The following POU6F2 variants were observed in gnomAD, a reference collection of about 807,000 sequenced individuals.
POU6F2 encodes the protein POU domain, class 6, transcription factor 2.
POU6F2 carries 31 observed loss-of-function variants against 71.3 expected under a neutral mutation model. The observed-to-expected ratio is 0.43, with a 90% confidence interval of 0.33 to 0.59. The LOEUF is 0.59. POU6F2 is among the 20% of genes least tolerant of loss of function. POU6F2 has a pLI of 0.04. For missense variants in POU6F2, 783 were observed against 856.8 expected (o/e 0.91, Z 1.07); for synonymous variants, 347 against 355.7 (o/e 0.98, Z 0.27).
chr7:39,010,455 T>C (rs1789240398), intron 1 of POU6F2, among the ~76,000 whole-genome samples: 1 of 151,858 alleles, frequency 6.6e-6, no homozygotes. Flanking sequence ...TGAATTTTGT[T>C]GATCCTTTCA....
chr7:39,099,107 C>T (rs1416673063), intron 2 of POU6F2, among the ~76,000 whole-genome samples: 1 of 152,224 alleles, frequency 6.6e-6, no homozygotes, highest in Non-Finnish European at 1.5e-5. Flanking sequence ...ATAGTTCACT[C>T]TCTTCATCTT....
intron 4 of POU6F2, among the ~76,000 whole-genome samples, chr7:39,320,716 A>G (rs1785370749): frequency 6.6e-6 from 1 of 152,202 alleles, no homozygotes; most frequent in Admixed American, 6.5e-5. Context: ...ATACATACCT[A>G]TAAAGTTTAA....
chr7:39,320,785 T>C (rs1583522341), intron 4 of POU6F2, among the ~76,000 whole-genome samples: 1 of 152,230 alleles, frequency 6.6e-6, no homozygotes, highest in East Asian at 1.9e-4. Flanking sequence ...CCGAGTGCAG[T>C]GGCCCATGCC....
chr7:39,239,234 A>C (rs1783662559), intron 4 of POU6F2, among the ~76,000 whole-genome samples: 1 of 152,092 alleles, frequency 6.6e-6, no homozygotes, highest in Non-Finnish European at 1.5e-5. Flanking sequence ...TAGTGATAAG[A>C]CTTGGGACAG....
rs143990984 is a variant in POU6F2 at position 39,366,525 on chromosome 7, T to C, written c.972+26510T>C. ...AGTCCCTGGGTATGAGCTTCTAAAC[T>C]GTGGTCTTCAAGGAGATGGGAGAAT... On this transcript the variant is annotated intron_variant, in intron 5 of 9. Coordinates refer to ENST00000518318, the MANE Select transcript of POU6F2 (RefSeq NM_001370959.1). Among the ~76,000 whole-genome samples the C allele has an allele frequency of 3.2e-3, 487 of 152,182 alleles. 3 individuals carry two copies. The highest frequency in any genetic ancestry group is 0.011 in the African/African-American group (469 of 41,500).
At chr7:39,231,440 C>T (rs1002986384) in intron 4 of POU6F2, among the ~76,000 whole-genome samples, 1 of 152,112 alleles carries the variant, frequency 6.6e-6, no homozygotes, top group Non-Finnish European at 1.5e-5. Flanking sequence ...CATATTTAAT[C>T]ATCACAACTC....
At chr7:39,303,155 T>G (rs1444097423) in intron 4 of POU6F2, among the ~76,000 whole-genome samples, 2 of 152,204 alleles carry the variant, frequency 1.3e-5, no homozygotes, top group Non-Finnish European at 2.9e-5. Flanking sequence ...TTTTGTTTTT[T>G]GTTTTTTTGG....
At position 39,451,577 on chromosome 7, in the gene POU6F2, A is replaced by C. The variant is rs907325631; in HGVS notation, c.1365A>C (p.Gln455His). The C allele has an allele frequency of 6.2e-7, 1 of 1,613,624 alleles. No homozygotes were observed. The highest frequency in any genetic ancestry group is 8.5e-7 in the Non-Finnish European group (1 of 1,179,836). Residue 455 changes from glutamine (Q) to histidine (H), a missense_variant, in exon 8 of 10, where the codon CAA becomes CAC. Physicochemically the swap from Gln to His is conservative, Grantham distance 24. Coordinates refer to ENST00000518318, the MANE Select transcript of POU6F2 (RefSeq NM_001370959.1). The part of the protein sequence containing the change: ...SQTSVGQAAS[Q>H]GNLLHLAHSQ... Reference sequence around the variant, plus strand: ...CGTCAGTGGGTCAAGCAGCCTCCCAAGGCAACCTTCTGCACCTGGCTCACA... The same window carrying C: ...CGTCAGTGGGTCAAGCAGCCTCCCACGGCAACCTTCTGCACCTGGCTCACA...
chr7:39,190,826 C>T lies in POU6F2; in HGVS notation c.278-13409C>T, dbSNP rs191858244. Reference sequence around the variant, plus strand: ...TTAATTTTTGTATTTTTAGCAGAGACGAGGTTTCACCATGTTGGTCAGGCT... The same window carrying T: ...TTAATTTTTGTATTTTTAGCAGAGATGAGGTTTCACCATGTTGGTCAGGCT... On this transcript the variant is annotated intron_variant, in intron 2 of 9. Coordinates refer to ENST00000518318, the MANE Select transcript of POU6F2 (RefSeq NM_001370959.1). Among the ~76,000 whole-genome samples, 139 of 151,594 alleles carry T rather than the reference C, an allele frequency of 9.2e-4. 3 individuals are homozygous for T. The East Asian group carries it at 0.021, about 23-fold the overall frequency.
intron 5 of POU6F2, among the ~76,000 whole-genome samples, chr7:39,399,054 G>C (rs1181867304): frequency 6.6e-6 from 1 of 152,096 alleles, no homozygotes; most frequent in East Asian, 1.9e-4. Flanking sequence ...AGGTAGAATG[G>C]TGCATTAATT....
At position 39,276,183 on chromosome 7, in the gene POU6F2, A is replaced by G. The variant is rs564935973; in HGVS notation, c.599-63459A>G. Among the ~76,000 whole-genome samples, 40 of 151,402 alleles carry G rather than the reference A, an allele frequency of 2.6e-4. 1 individual carries two copies. In the South Asian group the frequency reaches 8.2e-3, roughly 31 times the overall value. On this transcript the variant is annotated intron_variant, in intron 4 of 9. Transcript: ENST00000518318. ...AAAGGGCTAATATCCAGAATCTGCA[A>G]TGAACTCAAACAAATTTACAAGAAA...
chr7:39,354,255 G>T (rs565485568), intron 5 of POU6F2, among the ~76,000 whole-genome samples: 1 of 152,340 alleles, frequency 6.6e-6, no homozygotes, highest in African/African-American at 2.4e-5. Context: ...TGCTTGTTTG[G>T]CTTTGTGCTT....
rs1788930761 is a variant in POU6F2, at chr7:39,460,788, C to T, written c.1658+73C>T. 1 of 1,431,674 alleles carries T rather than the reference C, an allele frequency of 7.0e-7. No homozygotes were observed. The highest frequency in any genetic ancestry group is 2.5e-5 in the East Asian group (1 of 39,930). 88.7% of individuals were successfully genotyped at this position (1,431,674 alleles called of 1,614,324 possible). On this transcript the variant is annotated intron_variant, in intron 9 of 9. Transcript: ENST00000518318. This position sits in a 1 kb window ranked among gnomAD's most constrained non-coding sequence, Gnocchi z 4.4. ...CATTTGTCCTCGCGGTTCAGCTTTT[C>T]TTCGTCGGGTGGGCAAAGCTGGAGG...
At chr7:39,192,020 T>C (rs903523544) in intron 2 of POU6F2, among the ~76,000 whole-genome samples, 2 of 152,226 alleles carry the variant, frequency 1.3e-5, no homozygotes, top group African/African-American at 4.8e-5. Flanking sequence ...AATATTTTGT[T>C]ACCCCATCTT....
At chr7:39,233,146 C>T (rs948389369) in intron 4 of POU6F2, among the ~76,000 whole-genome samples, 1 of 152,108 alleles carries the variant, frequency 6.6e-6, no homozygotes, top group Non-Finnish European at 1.5e-5. Context: ...TTGTCTGGAA[C>T]CTCAGCCCAC....
chr7:39,132,307 C>T (rs1246492210), intron 2 of POU6F2: 1 of 152,256 alleles, frequency 6.6e-6, no homozygotes, highest in East Asian at 1.9e-4. Context: ...CCAGTCAGAA[C>T]ACTGAATTTT....
rs3999864 is a variant in POU6F2, at chr7:39,129,624, T to TATAGATAGATAG, written c.277+43627_277+43638dup. On this transcript the variant is annotated intron_variant, in intron 2 of 9. Transcript: ENST00000518318. ...CCAGGTGGCTGAGAGACAATAGATA[T>TATAGATAGATAG]ATAGATAGATAGATAGATAGATAGA... Among the ~76,000 whole-genome samples the TATAGATAGATAG allele has an allele frequency of 9.9e-4, 148 of 149,344 alleles. 1 individual carries two copies. Among genetic ancestry groups the TATAGATAGATAG allele is most frequent in the African/African-American group, 1.9e-3 (76 of 40,372 alleles).
intron 2 of POU6F2, among the ~76,000 whole-genome samples, chr7:39,186,999 G>A (rs909499610): frequency 1.3e-5 from 2 of 152,220 alleles, no homozygotes; most frequent in Non-Finnish European, 2.9e-5. Flanking sequence ...GATCGCCAAG[G>A]TGGTCTCTTG....
intron 5 of POU6F2, among the ~76,000 whole-genome samples, chr7:39,401,856 G>A (rs1336855821): frequency 1.3e-5 from 2 of 152,186 alleles, no homozygotes; most frequent in African/African-American, 2.4e-5. Context: ...CATAGCTCAT[G>A]AGGAGAATGA....
Sources: allele counts gnomAD v4.1 joint callset (sites outside exome capture counted in the v4.1 genomes callset), GRCh38; gene constraint gnomAD v4.1.1; non-coding constraint Gnocchi (gnomAD v3.1); transcripts MANE v1.5; gene names NCBI Gene and HGNC (gene_info 2026-07-23, HGNC 2026-07-21).